The following SNX9 variants were observed in gnomAD, a reference collection of about 807,000 sequenced individuals.
The protein encoded by SNX9 is sorting nexin 9.
SNX9 carries 44 observed loss-of-function variants against 89.4 expected under a neutral mutation model. The ratio of observed to expected loss-of-function variants is 0.49; its 90% confidence interval spans 0.39 to 0.63. The LOEUF (loss-of-function observed/expected upper bound fraction) is 0.63, where lower values mean the gene tolerates loss of function less well. Among genes scored for constraint, SNX9 ranks in the 30% least tolerant of loss-of-function variants. SNX9 has a pLI of 0.00. For synonymous variants in SNX9, 236 were observed against 247.8 expected (o/e 0.95, Z 0.45); for missense variants, 578 against 736.1 (o/e 0.79, Z 2.49).
At chr6:157,910,683 T>C (rs1302866642) in intron 9 of SNX9, among the ~76,000 whole-genome samples, 1 of 152,168 alleles carries the variant, frequency 6.6e-6, no homozygotes, top group Non-Finnish European at 1.5e-5. Context: ...ATAGTGTTAC[T>C]AGAGCACCTT....
At chr6:157,902,730 C>T (rs982774618) in intron 6 of SNX9, among the ~76,000 whole-genome samples, 4 of 152,220 alleles carry the variant, frequency 2.6e-5, no homozygotes, top group African/African-American at 4.8e-5. Context: ...TGCAGTGGTG[C>T]GATCTTGGTT....
At chr6:157,896,728 AG>A in intron 4 of SNX9, 98 bp from the exon 5 acceptor site, 7 of 1,286,082 alleles carry the variant, frequency 5.4e-6, no homozygotes, top group South Asian at 3.9e-5. Flanking sequence ...AATTGTTTTT[AG>A]TACTCCTGTT....
At chr6:157,838,490 G>C (rs1245426996) in intron 1 of SNX9, among the ~76,000 whole-genome samples, 2 of 152,170 alleles carry the variant, frequency 1.3e-5, no homozygotes, top group African/African-American at 2.4e-5. Context: ...AGTGTACAGT[G>C]AGATAGCTCA....
chr6:157,854,650 T>C (rs1781974391), intron 1 of SNX9, among the ~76,000 whole-genome samples: 2 of 152,174 alleles, frequency 1.3e-5, no homozygotes, highest in Admixed American at 1.3e-4. Context: ...ATTGTGTTGC[T>C]TTTGTTGTTG....
chr6:157,923,972 C>T (rs752701554), intron 10 of SNX9, among the ~76,000 whole-genome samples: 6 of 152,076 alleles, frequency 3.9e-5, no homozygotes, highest in African/African-American at 9.7e-5. Context: ...CTGGGTGTGG[C>T]GGATCACTTG....
rs113849691 is a variant in SNX9, at chr6:157,930,282, T to C, written c.1288+1580T>C. 2.9e-3 allele frequency among the ~76,000 whole-genome samples: 442 copies of C among 152,360 alleles called. 3 individuals are homozygous for C. The highest frequency in any genetic ancestry group is 9.4e-3 in the African/African-American group (389 of 41,588). On this transcript the variant is annotated intron_variant, in intron 12 of 17. Transcript: ENST00000392185. ...GCAGACATCAGGAATAACAGTTGTT[T>C]CTTTCCCATGGCAAAGAAATATGAT...
chr6:157,906,287 T>G, intron 7 of SNX9, 75 bp downstream of exon 7: 1 of 1,160,204 alleles, frequency 8.6e-7, no homozygotes, highest in Non-Finnish European at 1.2e-6. Context: ...GCTAAGCGAG[T>G]TATTCATCTT....
intron 9 of SNX9, among the ~76,000 whole-genome samples, chr6:157,910,777 A>G (rs568014080): frequency 1.3e-5 from 2 of 152,266 alleles, no homozygotes; most frequent in South Asian, 4.1e-4. Flanking sequence ...TTTAATCTCC[A>G]GCCTAGGGTA....
intron 17 of SNX9, among the ~76,000 whole-genome samples, chr6:157,941,509 T>C (rs1784035408): frequency 6.6e-6 from 1 of 152,252 alleles, no homozygotes; most frequent in African/African-American, 2.4e-5. Flanking sequence ...TTACCTCTGC[T>C]TAGTAATTTT....
intron 1 of SNX9, among the ~76,000 whole-genome samples, chr6:157,835,833 T>A (rs1781571705): frequency 6.6e-6 from 1 of 152,198 alleles, no homozygotes. Context: ...ACCTCTTTCC[T>A]GTATAAATTA....
intron 5 of SNX9, 41 bp from the exon 6 acceptor site, chr6:157,901,857 T>C: frequency 7.2e-7 from 1 of 1,391,342 alleles, no homozygotes; most frequent in Non-Finnish European, 9.7e-7. Flanking sequence ...TTTTGGTCTT[T>C]TTTTTTTTTT....
intron 17 of SNX9, among the ~76,000 whole-genome samples, chr6:157,942,338 G>A (rs1238788830): frequency 1.3e-5 from 2 of 152,216 alleles, no homozygotes; most frequent in African/African-American, 2.4e-5. Context: ...CCACTGCAGC[G>A]CCTCGTTAGC....
chr6:157,844,587 G>GTTTTTTTTTTTTTTTTTTTTTTTTTTT (rs1177648226), intron 1 of SNX9, among the ~76,000 whole-genome samples: 2 of 130,302 alleles, frequency 1.5e-5, no homozygotes, highest in African/African-American at 6.1e-5. Flanking sequence ...GCTAATCCTT[G>GTTTTTTTTTTTTTTTTTTTTTTTTTTT]TTTTTTTTTT....
rs1391868890 is a variant in SNX9, at chr6:157,937,499, C to T, written c.1509C>T (p.Phe503=). ...NHEYKGFLGC[F]PDIIGTHKGA... ...AGTATAAAGGTTTTCTTGGCTGCTT[C>T]CCTGACATCATTGGCACTCACAAGG... The change falls in exon 15 of 18, where the codon TTC becomes TTT. Residue 503 remains phenylalanine (F), a synonymous_variant. Coordinates refer to ENST00000392185, the MANE Select transcript of SNX9 (RefSeq NM_016224.5). 3.7e-6 allele frequency: 6 copies of T among 1,613,712 alleles called. No individual in the cohort carries two copies. The highest frequency in any genetic ancestry group is 5.1e-6 in the Non-Finnish European group (6 of 1,179,800).
At chr6:157,850,819 T>C (rs929070800) in intron 1 of SNX9, among the ~76,000 whole-genome samples, 1 of 152,252 alleles carries the variant, frequency 6.6e-6, no homozygotes, top group Non-Finnish European at 1.5e-5. Flanking sequence ...CACTGCTGGC[T>C]GCCAGGGGCT....
chr6:157,938,502 T>C (rs1783970912), intron 15 of SNX9, 131 bp from the exon 16 acceptor site: 1 of 581,674 alleles, frequency 1.7e-6, no homozygotes. Context: ...TGCTTTCCTC[T>C]CTTCTTATTT....
At position 157,900,097 on chromosome 6, in the gene SNX9, C is replaced by CT. The variant is rs776966696; in HGVS notation, c.473-1800dup. 1.1e-4 allele frequency among the ~76,000 whole-genome samples: 17 copies of CT among 152,286 alleles called. No homozygotes were observed. In the East Asian group the frequency reaches 2.1e-3, roughly 19 times the overall value. The stretch of plus-strand genomic sequence containing the variant: ...GACCTGCATCTCCCTAGTTCCCCGT[C>CT]TCCCTGCCCCTGGTAACCACCTTTC... On this transcript the variant is annotated intron_variant, in intron 5 of 17. Transcript: ENST00000392185.
At chr6:157,834,191 A>G (rs1487886662) in intron 1 of SNX9, among the ~76,000 whole-genome samples, 2 of 67,106 alleles carry the variant, frequency 3.0e-5, no homozygotes, top group Non-Finnish European at 5.1e-5. Context: ...TTTTTGAGTC[A>G]GGGTCTCTCT....
intron 5 of SNX9, among the ~76,000 whole-genome samples, chr6:157,897,233 C>G (rs1782998719): frequency 6.6e-6 from 1 of 152,156 alleles, no homozygotes; most frequent in South Asian, 2.1e-4. Flanking sequence ...GGGTTCCCAC[C>G]ACTCCCACCT....
Sources: allele counts gnomAD v4.1 joint callset (sites outside exome capture counted in the v4.1 genomes callset), GRCh38; gene constraint gnomAD v4.1.1; transcripts MANE v1.5; gene names NCBI Gene and HGNC (gene_info 2026-07-23, HGNC 2026-07-21).